Variants in PADI3 observed in about 807,000 individuals in gnomAD.
PADI3 encodes the protein protein-arginine deiminase type-3.
Under a neutral mutation model 71.5 loss-of-function variants are expected in PADI3, and 53 were observed. The observed-to-expected ratio is 0.74, with a 90% CI of 0.59 to 0.93. PADI3 has a LOEUF of 0.93. Ranked by LOEUF, PADI3 falls within the 40% of genes least tolerant of loss-of-function variation. The pLI is 0.00. For missense variants in PADI3, 821 were observed against 868.0 expected (o/e 0.95, Z 0.68); for synonymous variants, 361 against 347.5 (o/e 1.04, Z -0.43).
At chr1:17,266,995 G>A (rs1254613218) in intron 5 of PADI3, among the ~76,000 whole-genome samples, 159 bp downstream of exon 5, 1 of 152,110 alleles carries the variant, frequency 6.6e-6, no homozygotes, top group African/African-American at 2.4e-5. Context: ...TCTCAGGCTG[G>A]CAGCTGCCCC....
intron 3 of PADI3, 140 bp from the exon 4 acceptor site, chr1:17,265,519 G>T (rs2073156148): frequency 2.7e-6 from 2 of 743,416 alleles, no homozygotes; most frequent in African/African-American, 1.7e-5. Context: ...AGCCCAGAGG[G>T]TGCAGATGCC....
rs539218676 is a variant in PADI3, at chr1:17,281,835, G to A, written c.1762-1011G>A. On this transcript the variant is annotated intron_variant, in intron 15 of 15. Coordinates refer to ENST00000375460, the MANE Select transcript of PADI3 (RefSeq NM_016233.2). Reference sequence around the variant, plus strand: ...GCGGTCCTGATTCAGCAGGTCTAAAGCACGGCCCGAGGCACTGCTGCCGCG... The same window carrying A: ...GCGGTCCTGATTCAGCAGGTCTAAAACACGGCCCGAGGCACTGCTGCCGCG... Among the ~76,000 whole-genome samples, 25 of 152,324 alleles carry A rather than the reference G, an allele frequency of 1.6e-4. 1 individual carries two copies. In the South Asian group the frequency reaches 5.2e-3, roughly 32 times the overall value.
Position 17,259,758 on chromosome 1 carries a change from T to C in PADI3, c.273T>C (p.His91=). 6.3e-7 allele frequency: 1 copy of C among 1,598,268 alleles called. No individual in the cohort carries two copies. The highest frequency in any genetic ancestry group is 8.6e-7 in the Non-Finnish European group (1 of 1,168,846). ...NSPSNDLNDS[H]VQISYHSSHE... ...CCAGCAATGACCTCAACGACAGCCA[T>C]GTGAGCTGGTCCCTGGTGGGGTGGG... Residue 91 remains histidine, a splice_region_variant and synonymous_variant, in exon 2 of 16, where the codon CAT becomes CAC. Coordinates refer to ENST00000375460, the MANE Select transcript of PADI3 (RefSeq NM_016233.2).
chr1:17,277,227 T>C (rs2073346376), intron 13 of PADI3, among the ~76,000 whole-genome samples: 1 of 151,708 alleles, frequency 6.6e-6, no homozygotes, highest in East Asian at 1.9e-4. Context: ...GGAGTTTCAC[T>C]CTTGTTGCCC....
chr1:17,270,627 G>A (rs1280630589), intron 7 of PADI3, among the ~76,000 whole-genome samples: 1 of 152,020 alleles, frequency 6.6e-6, no homozygotes, highest in Non-Finnish European at 1.5e-5. Flanking sequence ...TCCACAGCCT[G>A]GGCAACAAAG....
At chr1:17,256,561 C>T (rs2073030204) in intron 1 of PADI3, among the ~76,000 whole-genome samples, 2 of 152,212 alleles carry the variant, frequency 1.3e-5, no homozygotes, top group South Asian at 2.1e-4. Context: ...CAGCATCTCA[C>T]ACAGAGCCTG....
intron 9 of PADI3, 145 bp from the exon 10 acceptor site, chr1:17,273,195 C>T: frequency 1.7e-6 from 1 of 604,894 alleles, no homozygotes; most frequent in Non-Finnish European, 2.9e-6. Flanking sequence ...GCACCCTGAC[C>T]TCGGTCCTGT....
At chr1:17,267,527 C>A (rs2073186217) in intron 5 of PADI3, among the ~76,000 whole-genome samples, 1 of 152,140 alleles carries the variant, frequency 6.6e-6, no homozygotes, top group Non-Finnish European at 1.5e-5. Flanking sequence ...GGGATGGAGG[C>A]CAGAACCCTT....
At chr1:17,261,670 T>C (rs1276023920) in intron 2 of PADI3, among the ~76,000 whole-genome samples, 4 of 152,238 alleles carry the variant, frequency 2.6e-5, no homozygotes, top group Non-Finnish European at 2.9e-5. Flanking sequence ...GGTAGAGGCC[T>C]TTTCCCATTT....
At chr1:17,269,446 C>T (rs2073216185) in intron 6 of PADI3, among the ~76,000 whole-genome samples, 1 of 152,152 alleles carries the variant, frequency 6.6e-6, no homozygotes, top group Non-Finnish European at 1.5e-5. Context: ...TATAACAATG[C>T]AGGTTGCTTG....
chr1:17,268,504 T>TG (rs2073201980), intron 6 of PADI3, among the ~76,000 whole-genome samples: 1 of 71,492 alleles, frequency 1.4e-5, no homozygotes, highest in Non-Finnish European at 3.0e-5. Context: ...GATGCTTTTT[T>TG]TTTTTTTTTT....
In PADI3 at chr1:17,276,649, G is replaced by A; in HGVS notation, c.1438G>A (p.Ala480Thr). The A allele has an allele frequency of 6.2e-7, 1 of 1,614,058 alleles. No individual in the cohort carries two copies. The highest frequency in any genetic ancestry group is 8.5e-7 in the Non-Finnish European group (1 of 1,180,000). The stretch of plus-strand genomic sequence containing the variant: ...GGATGAGTTTCTGAGCTTTGTCCCT[G>A]CCCCCGATGGGAAGGTAAGAACTTC... Reference protein sequence around the residue: ...HVDEFLSFVPAPDGKGFRMLL... With the variant: ...HVDEFLSFVPTPDGKGFRMLL... Residue 480 changes from alanine (A) to threonine (T), a missense_variant, in exon 12 of 16, where the codon GCC becomes ACC. Transcript: ENST00000375460.
At chr1:17,251,402 T>C (rs933554863) in intron 1 of PADI3, among the ~76,000 whole-genome samples, 4 of 152,194 alleles carry the variant, frequency 2.6e-5, no homozygotes, top group African/African-American at 9.7e-5. Context: ...ACTTCCCAGC[T>C]CTCTGACCGT....
rs2073192496 is a variant in PADI3 at position 17,267,901 on chromosome 1, C to G, written c.591C>G (p.His197Gln). Reference protein sequence around the residue: ...TQGPAALFDDHKLVLHTSSYD... With the variant: ...TQGPAALFDDQKLVLHTSSYD... ...GCCCTGCAGCCCTCTTTGATGACCA[C>G]AAACTTGTCCTCCATACCTCCAGCT... The change falls in exon 6 of 16, where the codon CAC becomes CAG. Residue 197 changes from histidine (H) to glutamine (Q), a missense_variant. Coordinates refer to ENST00000375460, the MANE Select transcript of PADI3 (RefSeq NM_016233.2). The G allele has an allele frequency of 6.2e-7, 1 of 1,614,220 alleles. No individual in the cohort carries two copies. The highest frequency in any genetic ancestry group is 8.5e-7 in the Non-Finnish European group (1 of 1,180,028).
At chr1:17,261,895 T>C (rs1265838859) in intron 2 of PADI3, among the ~76,000 whole-genome samples, 1 of 152,164 alleles carries the variant, frequency 6.6e-6, no homozygotes. Context: ...TTGTCAAAAA[T>C]CACAGAGTAG....
intron 1 of PADI3, among the ~76,000 whole-genome samples, chr1:17,253,158 G>A (rs530614321): frequency 2.0e-5 from 3 of 152,186 alleles, no homozygotes; most frequent in African/African-American, 7.2e-5. Context: ...GCTGAGACTC[G>A]CCTGGATTGG....
rs1252319172 is a variant in PADI3 at position 17,267,896 on chromosome 1, G to T, written c.586G>T (p.Asp196Tyr). ...GCAGGGCCCTGCAGCCCTCTTTGATGACCACAAACTTGTCCTCCATACCTC... is the reference window on the plus strand; with the variant it reads ...GCAGGGCCCTGCAGCCCTCTTTGATTACCACAAACTTGTCCTCCATACCTC... ...RTQGPAALFD[D>Y]HKLVLHTSSY... is the part of the protein sequence containing the mutation. Residue 196 changes from aspartate (D) to tyrosine (Y), a missense_variant, in exon 6 of 16, where the codon GAC (aspartate) becomes TAC (tyrosine). Asp to Tyr is a radical substitution (Grantham distance 160). Coordinates refer to ENST00000375460, the MANE Select transcript of PADI3 (RefSeq NM_016233.2). The T allele has an allele frequency of 6.2e-7, 1 of 1,614,166 alleles. No homozygotes were observed. The highest frequency in any genetic ancestry group is 1.7e-5 in the Admixed American group (1 of 60,030).
In PADI3 at chr1:17,276,530, G is replaced by A. The variant is rs777501847; in HGVS notation, c.1319G>A (p.Arg440His). 5.1e-5 allele frequency: 82 copies of A among 1,613,762 alleles called. 1 individual carries two copies. In the South Asian group the frequency reaches 6.3e-4, roughly 12 times the overall value. Reference protein sequence around the residue: ...IGGNLPGSSGRRVTQVVRDFL... With the variant: ...IGGNLPGSSGHRVTQVVRDFL... Reference sequence around the variant, plus strand: ...CTCGTGGGTCCCAGGTCAAGTGGCCGCAGGGTCACCCAGGTGGTGCGGGAC... The same window carrying A: ...CTCGTGGGTCCCAGGTCAAGTGGCCACAGGGTCACCCAGGTGGTGCGGGAC... Residue 440 changes from arginine to histidine, a missense_variant, in exon 12 of 16, where the codon CGC (arginine) becomes CAC (histidine). Coordinates refer to ENST00000375460, the MANE Select transcript of PADI3 (RefSeq NM_016233.2).
rs140904342 is a variant in PADI3, at chr1:17,272,074, A to C, written c.1047+896A>C. On this transcript the variant is annotated intron_variant, in intron 9 of 15. Transcript: ENST00000375460. Reference sequence around the variant, plus strand: ...TGCAGGCCAGGCATAGCATCATTTCATCTTCTTGATAACCCCCTGTAAGTC... The same window carrying C: ...TGCAGGCCAGGCATAGCATCATTTCCTCTTCTTGATAACCCCCTGTAAGTC... Among the ~76,000 whole-genome samples, 810 of 152,194 alleles carry C rather than the reference A, an allele frequency of 5.3e-3. 10 individuals carry two copies. Among genetic ancestry groups the C allele is most frequent in the African/African-American group, 0.018 (743 of 41,498 alleles).
Sources: gnomAD v4.1 joint callset for allele counts (sites outside exome capture counted in the v4.1 genomes callset) on GRCh38, gnomAD v4.1.1 for gene constraint, MANE v1.5 for transcripts, NCBI Gene and HGNC (gene_info 2026-07-23, HGNC 2026-07-21) for gene names.